ITGA9: variants seen among roughly 807,000 people sequenced by gnomAD.
ITGA9 encodes the protein integrin subunit alpha 9.
In ITGA9, 56 loss-of-function variants were observed where a neutral mutation model predicts 127.8. The ratio of observed to expected loss-of-function variants is 0.44; its 90% CI spans 0.35 to 0.55. The LOEUF is 0.55. Among genes scored for constraint, ITGA9 ranks in the 20% least tolerant of loss-of-function variants. The pLI, the probability that ITGA9 is intolerant of heterozygous loss-of-function variation, is 0.00. For synonymous variants in ITGA9, 508 were observed against 514.5 expected, an observed-to-expected ratio of 0.99 and a Z score of 0.17; for missense variants, 1,196 against 1,347.1, an observed-to-expected ratio of 0.89 and a Z score of 1.76.
At position 37,684,007 on chromosome 3, in the gene ITGA9, T is replaced by G. The variant is rs1559566844; in HGVS notation, c.2059T>G (p.Trp687Gly). The G allele has an allele frequency of 1.9e-6, 3 of 1,613,600 alleles. No individual in the cohort carries two copies. The highest frequency in any genetic ancestry group is 2.5e-6 in the Non-Finnish European group (3 of 1,179,868). Residue 687 changes from tryptophan to glycine, a missense_variant, in exon 18 of 28, where the codon TGG becomes GGG. Transcript: ENST00000264741. ...VSRELFFINM[W>G]QKEEMGISCE... ...CCGGGAGCTCTTCTTCATCAACATG[T>G]GGCAGAAGGTAAGGAGGGCATCCCT... is the stretch of plus-strand genomic sequence containing the variant.
At position 37,820,961 on chromosome 3, in the gene ITGA9, C is replaced by T. The variant is rs940393068; in HGVS notation, c.*1972C>T. On this transcript the variant is annotated 3_prime_UTR_variant, in exon 28 of 28. Coordinates refer to ENST00000264741, the MANE Select transcript of ITGA9 (RefSeq NM_002207.3). ...AATACACATACTTGGCTAATACTCACAAACATATCTAAAGTTTTGGCAAAA... is the reference window on the plus strand; with the variant it reads ...AATACACATACTTGGCTAATACTCATAAACATATCTAAAGTTTTGGCAAAA... 1 of 152,210 alleles carries T rather than the reference C, an allele frequency of 6.6e-6. No individual in the cohort carries two copies. Among genetic ancestry groups the T allele is most frequent in the Non-Finnish European group, 1.5e-5 (1 of 68,036 alleles). 9.4% of individuals were successfully genotyped at this position (152,210 alleles called of 1,614,324 possible). A position where few individuals can be genotyped will look rare whatever the true frequency, so the allele number is the denominator to read the frequency against.
intron 1 of ITGA9, among the ~76,000 whole-genome samples, chr3:37,453,816 C>G (rs1698228319): frequency 6.6e-6 from 1 of 152,106 alleles, no homozygotes; most frequent in Non-Finnish European, 1.5e-5. Context: ...TGAGACCAGC[C>G]CACTAAGAAT....
At position 37,622,774 on chromosome 3, in the gene ITGA9, G is replaced by A. The variant is rs568375439; in HGVS notation, c.1690-6413G>A. 2.2e-3 allele frequency among the ~76,000 whole-genome samples: 341 copies of A among 152,088 alleles called. 1 individual carries two copies. Among genetic ancestry groups the A allele is most frequent in the African/African-American group, 8.0e-3 (331 of 41,456 alleles). On this transcript the variant is annotated intron_variant, in intron 15 of 27. Transcript: ENST00000264741. ...GCAGGAGAATCACTTGAACCTGGGA[G>A]GCAGAGATTGCAATGAGCTGAGATT...
chr3:37,644,052 T>G (rs1234712421), intron 16 of ITGA9, among the ~76,000 whole-genome samples: 2 of 151,946 alleles, frequency 1.3e-5, no homozygotes, highest in Non-Finnish European at 2.9e-5. Context: ...AATTCCAGGG[T>G]GAAAAAGGAG....
In ITGA9 at chr3:37,629,014, C is replaced by T. The variant is rs750588310; in HGVS notation, c.1690-173C>T. On this transcript the variant is annotated intron_variant, in intron 15 of 27. Transcript: ENST00000264741. The surrounding 1 kb of genome is among the most constrained non-coding windows in gnomAD (Gnocchi z 4.5). ...GACCTTGGACAAGACACTAGCTGCCCTAGGCCTCAATTACCTCATTTAAAA... is the reference window on the plus strand; with the variant it reads ...GACCTTGGACAAGACACTAGCTGCCTTAGGCCTCAATTACCTCATTTAAAA... Among the ~76,000 whole-genome samples the T allele has an allele frequency of 6.6e-6, 1 of 152,148 alleles. No homozygotes were observed. The highest frequency in any genetic ancestry group is 1.5e-5 in the Non-Finnish European group (1 of 68,016).
intron 15 of ITGA9, among the ~76,000 whole-genome samples, chr3:37,619,697 G>A (rs1232798342): frequency 6.6e-6 from 1 of 152,190 alleles, no homozygotes; most frequent in Non-Finnish European, 1.5e-5. Flanking sequence ...GGCCTGCTTA[G>A]CGTTTCACAA....
chr3:37,522,672 A>G (rs914028616), intron 11 of ITGA9, among the ~76,000 whole-genome samples: 1 of 151,744 alleles, frequency 6.6e-6, no homozygotes, highest in Non-Finnish European at 1.5e-5. Context: ...GCAGTGTGCT[A>G]TGATTGTGCC....
chr3:37,606,649 G>A (rs981461865), intron 15 of ITGA9, among the ~76,000 whole-genome samples: 4 of 152,168 alleles, frequency 2.6e-5, no homozygotes, highest in South Asian at 2.1e-4. Flanking sequence ...ATGGGGGATT[G>A]CTTTTGCCAT....
chr3:37,730,882 A>G (rs1575211848), intron 18 of ITGA9, among the ~76,000 whole-genome samples: 1 of 152,208 alleles, frequency 6.6e-6, no homozygotes, highest in East Asian at 1.9e-4. Flanking sequence ...GTAGAATAGT[A>G]GCATATACGT....
intron 1 of ITGA9, among the ~76,000 whole-genome samples, chr3:37,466,804 T>C (rs541202632): frequency 6.6e-6 from 1 of 152,346 alleles, no homozygotes; most frequent in South Asian, 2.1e-4. Context: ...GAGAAGTAGC[T>C]TGATGCTTTG....
chr3:37,452,494 C>T lies in ITGA9; in HGVS notation c.120C>T (p.Phe40=), dbSNP rs373036845. 281 of 1,521,088 alleles carry T rather than the reference C, an allele frequency of 1.8e-4. 1 individual carries two copies. Among genetic ancestry groups the T allele is most frequent in the Non-Finnish European group, 1.1e-4 (122 of 1,134,208 alleles). The allele number at this position is 1,521,088 out of a possible 1,614,324, so 94.2% of individuals were successfully genotyped here. A position where few individuals can be genotyped will look rare whatever the true frequency, so the allele number is the denominator to read the frequency against. Residue 40 remains phenylalanine, a synonymous_variant, in exon 1 of 28, where the codon TTC becomes TTT. Transcript: ENST00000264741. The surrounding 1 kb of genome is among the most constrained non-coding windows in gnomAD (Gnocchi z 7.3). The stretch of plus-strand genomic sequence containing the variant: ...TCGACCCGCAGCGCCCCGTGCACTT[C>T]CAGGGCCCCGCTGACTCGTTCTTCG... ...YNLDPQRPVH[F]QGPADSFFGY...
chr3:37,669,618 A>T (rs1700618000), intron 17 of ITGA9, among the ~76,000 whole-genome samples: 2 of 152,116 alleles, frequency 1.3e-5, no homozygotes, highest in Non-Finnish European at 2.9e-5. Context: ...AATCCAATGT[A>T]TTTATCAGAC....
intron 10 of ITGA9, among the ~76,000 whole-genome samples, chr3:37,518,093 C>CGCGTGTGTGTGTGTGTGTGTGTGT (rs368577036): frequency 2.1e-5 from 3 of 144,106 alleles, no homozygotes; most frequent in Non-Finnish European, 4.5e-5. Flanking sequence ...AGAGTGTACG[C>CGCGTGTGTGTGTGTGTGTGTGTGT]GTGTGTGTGT....
At chr3:37,493,240 C>T (rs1002397004) in intron 4 of ITGA9, among the ~76,000 whole-genome samples, 5 of 152,232 alleles carry the variant, frequency 3.3e-5, no homozygotes, top group African/African-American at 1.2e-4. Flanking sequence ...CCTTTTTCCC[C>T]TTGCCTGGAG....
At position 37,567,096 on chromosome 3, in the gene ITGA9, C is replaced by T. The variant is rs185311896; in HGVS notation, c.1689+24511C>T. On this transcript the variant is annotated intron_variant, in intron 15 of 27. Coordinates refer to ENST00000264741, the MANE Select transcript of ITGA9 (RefSeq NM_002207.3). ...TTTCACACTGCTGATAAAGACATACCCGAGATTGGGTAAATTATAAAGAAC... is the reference window on the plus strand; with the variant it reads ...TTTCACACTGCTGATAAAGACATACTCGAGATTGGGTAAATTATAAAGAAC... Among the ~76,000 whole-genome samples, 7 of 152,166 alleles carry T rather than the reference C, an allele frequency of 4.6e-5. No individual in the cohort carries two copies. In the East Asian group the frequency reaches 1.2e-3, roughly 25 times the overall value.
In ITGA9 at chr3:37,820,557, A is replaced by C. The variant is rs1697501949; in HGVS notation, c.*1568A>C. 1 of 152,270 alleles carries C rather than the reference A, an allele frequency of 6.6e-6. No homozygotes were observed. The highest frequency in any genetic ancestry group is 6.5e-5 in the Admixed American group (1 of 15,282). 9.4% of individuals were successfully genotyped at this position (152,270 alleles called of 1,614,324 possible). ...TGACAGTAGATATATTGTCAGATGC[A>C]CTGTGCTGCTTAGTTTTGAGTGCAG... On this transcript the variant is annotated 3_prime_UTR_variant, in exon 28 of 28. Coordinates refer to ENST00000264741, the MANE Select transcript of ITGA9 (RefSeq NM_002207.3).
chr3:37,481,093 G>A (rs2125558577), intron 3 of ITGA9, among the ~76,000 whole-genome samples: 1 of 152,218 alleles, frequency 6.6e-6, no homozygotes, highest in Non-Finnish European at 1.5e-5. Context: ...TTCTCACGAT[G>A]TATCCTTTAC....
intron 4 of ITGA9, among the ~76,000 whole-genome samples, chr3:37,484,522 G>A (rs6550478): frequency 0.53 from 80,748 of 151,776 alleles, 21,765 homozygotes; most frequent in African/African-American, 0.63. Flanking sequence ...CACGTTAGGG[G>A]TCACATTATG....
chr3:37,494,414 G>GTGGC lies in ITGA9; in HGVS notation c.545-77_545-74dup, dbSNP rs1003398426. The stretch of plus-strand genomic sequence containing the variant: ...CAGCCTGCCGCGGCACTCGTGGGAA[G>GTGGC]TGGCTGGCTGGCTCTGCTGGCTCCA... On this transcript the variant is annotated intron_variant, in intron 4 of 27. Coordinates refer to ENST00000264741, the MANE Select transcript of ITGA9 (RefSeq NM_002207.3). 9.5e-6 allele frequency: 9 copies of GTGGC among 949,322 alleles called. No individual in the cohort carries two copies. The African/African-American group carries it at 1.4e-4, about 15-fold the overall frequency. The allele number at this position is 949,322 out of a possible 1,614,324, so 58.8% of individuals were successfully genotyped here.
Sources: allele counts gnomAD v4.1 joint callset (sites outside exome capture counted in the v4.1 genomes callset), GRCh38; gene constraint gnomAD v4.1.1; non-coding constraint Gnocchi (gnomAD v3.1); transcripts MANE v1.5; gene names NCBI Gene and HGNC (gene_info 2026-07-23, HGNC 2026-07-21).